The following LCORL variants were observed in gnomAD, a reference collection of about 807,000 sequenced individuals.
LCORL encodes ligand-dependent nuclear receptor corepressor-like protein.
Under a neutral mutation model 141.8 loss-of-function variants are expected in LCORL, and 41 were observed. The observed-to-expected ratio is 0.29, with a 90% CI of 0.23 to 0.38. The LOEUF is 0.38. Among genes scored for constraint, LCORL ranks in the 10% least tolerant of loss-of-function variants. The pLI is 1.00. For synonymous variants in LCORL, 618 were observed against 694.1 expected (o/e 0.89, Z 1.72); for missense variants, 1,759 against 2,035.0 (o/e 0.86, Z 2.61).
At chr4:17,845,934 A>C in intron 7 of LCORL, 33 bp from the exon 8 acceptor site, 1 of 1,540,552 alleles carries the variant, frequency 6.5e-7, no homozygotes, top group Non-Finnish European at 8.8e-7. Flanking sequence ...TTTTAGTTTT[A>C]CTTTAATTTC....
intron 6 of LCORL, chr4:17,882,361 C>T (rs1375519369): frequency 6.1e-6 from 6 of 983,962 alleles, no homozygotes; most frequent in Non-Finnish European, 7.2e-6. Flanking sequence ...AATCCCTATT[C>T]TTTATATGAA....
At chr4:17,965,873 G>A (rs1190428443) in intron 2 of LCORL, among the ~76,000 whole-genome samples, 3 of 152,032 alleles carry the variant, frequency 2.0e-5, no homozygotes, top group African/African-American at 2.4e-5. Context: ...TAATTTTTGA[G>A]TGTTTTAATG....
intron 5 of LCORL, among the ~76,000 whole-genome samples, chr4:17,908,438 C>T (rs1732003789): frequency 6.6e-6 from 1 of 152,182 alleles, no homozygotes; most frequent in Non-Finnish European, 1.5e-5. Context: ...CAATACTATT[C>T]CTAGTCCATA....
At chr4:17,877,419 G>T in exon 7 of LCORL, 1 of 1,229,500 alleles carries the variant, frequency 8.1e-7, no homozygotes, top group African/African-American at 1.6e-5. Context: ...AATTACAGCA[G>T]TTTCACCTTT....
In LCORL at chr4:18,021,463, G is replaced by A; in HGVS notation, c.154+135C>T. 2.8e-6 allele frequency: 2 copies of A among 704,776 alleles called. No homozygotes were observed. The highest frequency in any genetic ancestry group is 4.2e-5 in the Admixed American group (1 of 24,066). 43.7% of individuals were successfully genotyped at this position (704,776 alleles called of 1,614,324 possible). On this transcript the variant is annotated intron_variant, in intron 1 of 7. Coordinates refer to ENST00000635767, the Ensembl canonical transcript of LCORL. The surrounding 1 kb of genome is among the most constrained non-coding windows in gnomAD (Gnocchi z 5.5). ...AGGCGAGCGCCGGGGCCGCCGCGCCGCGCCGCTCCCATCTCGCTCCCCCAC... is the reference window on the plus strand; with the variant it reads ...AGGCGAGCGCCGGGGCCGCCGCGCCACGCCGCTCCCATCTCGCTCCCCCAC...
At chr4:17,916,916 G>A (rs962284514) in intron 4 of LCORL, among the ~76,000 whole-genome samples, 8 of 151,984 alleles carry the variant, frequency 5.3e-5, no homozygotes, top group East Asian at 3.9e-4. Flanking sequence ...AAGTACTGGC[G>A]TGAGCCACCA....
exon 7 of LCORL, chr4:17,877,249 C>G: frequency 4.1e-6 from 5 of 1,230,330 alleles, no homozygotes; most frequent in Non-Finnish European, 5.1e-6. Flanking sequence ...AAACTATAAT[C>G]ACTGGCTTTT....
At chr4:17,865,355 TTGG>T (rs1725518033) in intron 7 of LCORL, among the ~76,000 whole-genome samples, 1 of 152,142 alleles carries the variant, frequency 6.6e-6, no homozygotes, top group South Asian at 2.1e-4. Context: ...CCCTAAATAT[TTGG>T]AAACTAAACA....
intron 1 of LCORL, among the ~76,000 whole-genome samples, chr4:17,991,386 C>A (rs574383798): frequency 6.6e-6 from 1 of 152,184 alleles, no homozygotes; most frequent in Non-Finnish European, 1.5e-5. Context: ...GTTTACCATA[C>A]CTATTTGTGT....
At chr4:17,876,456 C>T (rs1726933027) in exon 7 of LCORL, 2 of 1,230,582 alleles carry the variant, frequency 1.6e-6, no homozygotes, top group Non-Finnish European at 1.0e-6. Flanking sequence ...TTTGGCTATA[C>T]TTATTGTATC....
chr4:17,858,582 GC>G (rs1279066164), intron 7 of LCORL, among the ~76,000 whole-genome samples: 1 of 151,380 alleles, frequency 6.6e-6, no homozygotes, highest in Non-Finnish European at 1.5e-5. Context: ...TACAAAATTA[GC>G]CAGGCATGGT....
In LCORL at chr4:17,884,033, G is replaced by C. The variant is rs1292037149; in HGVS notation, c.776+2035C>G. On this transcript the variant is annotated intron_variant, in intron 6 of 7. Transcript: ENST00000635767. This position sits in a 1 kb window ranked among gnomAD's most constrained non-coding sequence, Gnocchi z 4.4. ...TAATCCATCTTCAGTATTTTCAGAG[G>C]TTCCATCAACTGTTCCATTTTTAGA... 1.3e-6 allele frequency: 2 copies of C among 1,550,638 alleles called. No individual in the cohort carries two copies. The highest frequency in any genetic ancestry group is 4.9e-5 in the East Asian group (2 of 40,886).
At chr4:17,845,828 T>C (rs745311067) in exon 8 of LCORL, 22 of 1,613,576 alleles carry the variant, frequency 1.4e-5, no homozygotes, top group Middle Eastern at 1.6e-4. Context: ...CACATCTTAA[T>C]GGGGCTCAAA....
chr4:17,958,779 A>G (rs1713194668), intron 4 of LCORL, among the ~76,000 whole-genome samples: 1 of 151,958 alleles, frequency 6.6e-6, no homozygotes, highest in South Asian at 2.1e-4. Context: ...TATTCACCCA[A>G]GAAATACTAA....
chr4:17,981,866 A>G, intron 1 of LCORL, among the ~76,000 whole-genome samples: 1 of 152,084 alleles, frequency 6.6e-6, no homozygotes, highest in East Asian at 1.9e-4. Context: ...CTAATACCCA[A>G]TAGTTATTTT....
At chr4:17,957,128 A>C (rs1712809907) in intron 4 of LCORL, among the ~76,000 whole-genome samples, 1 of 152,000 alleles carries the variant, frequency 6.6e-6, no homozygotes, top group African/African-American at 2.4e-5. Flanking sequence ...TATCAGCTAC[A>C]TAGAATTTGA....
intron 1 of LCORL, among the ~76,000 whole-genome samples, chr4:17,994,704 C>T (rs1226188369): frequency 2.7e-5 from 4 of 149,514 alleles, no homozygotes; most frequent in Non-Finnish European, 5.9e-5. Context: ...ACCAGGTGCT[C>T]TGGGGATACA....
chr4:17,991,052 A>G (rs750322091), intron 1 of LCORL, among the ~76,000 whole-genome samples: 6 of 152,252 alleles, frequency 3.9e-5, no homozygotes, highest in Non-Finnish European at 7.3e-5. Context: ...TCACATGAAT[A>G]TAACATTTTA....
At chr4:17,854,805 T>C (rs1184388543) in intron 7 of LCORL, among the ~76,000 whole-genome samples, 2 of 152,230 alleles carry the variant, frequency 1.3e-5, no homozygotes, top group African/African-American at 4.8e-5. Context: ...CTCTACTTGC[T>C]TGTGATTACT....
Sources: gnomAD v4.1 joint callset for allele counts (sites outside exome capture counted in the v4.1 genomes callset) on GRCh38, gnomAD v4.1.1 for gene constraint, Gnocchi (gnomAD v3.1) non-coding constraint, MANE v1.5 for transcripts, NCBI Gene and HGNC (gene_info 2026-07-23, HGNC 2026-07-21) for gene names.